Variants in MAD1L1 observed in about 807,000 individuals in gnomAD.
MAD1L1 encodes mitotic arrest deficient 1 like 1, also known as mitotic spindle assembly checkpoint protein MAD1.
MAD1L1 carries 95 observed loss-of-function variants against 96.9 expected under a neutral mutation model. The ratio of observed to expected loss-of-function variants is 0.98; its 90% CI spans 0.83 to 1.16. The LOEUF (loss-of-function observed/expected upper bound fraction) is 1.16, where lower values mean the gene tolerates loss of function less well. Among genes scored for constraint, MAD1L1 ranks in the 50% most tolerant of loss-of-function variants. The pLI is 0.00. For synonymous variants in MAD1L1, 473 were observed against 396.6 expected, an observed-to-expected ratio of 1.19 and a Z score of -2.29; for missense variants, 1,007 against 954.4, an observed-to-expected ratio of 1.06 and a Z score of -0.73.
At chr7:1,910,145 C>T (rs1372776953) in intron 17 of MAD1L1, among the ~76,000 whole-genome samples, 1 of 152,138 alleles carries the variant, frequency 6.6e-6, no homozygotes, top group East Asian at 1.9e-4. Flanking sequence ...TCCCCCAGCA[C>T]CGAGAACACA....
intron 4 of MAD1L1, chr7:2,223,634 C>T (rs561794304): frequency 3.9e-5 from 6 of 152,472 alleles, no homozygotes; most frequent in South Asian, 4.1e-4. Flanking sequence ...GGCTGACCCG[C>T]GCACCTCGGA....
At chr7:1,905,711 G>A (rs1420998523) in intron 17 of MAD1L1, among the ~76,000 whole-genome samples, 1 of 152,232 alleles carries the variant, frequency 6.6e-6, no homozygotes, top group Non-Finnish European at 1.5e-5. Flanking sequence ...CCTCTCCCGT[G>A]AGTGAGGCCG....
At chr7:1,817,121 G>A (rs1213701390) in intron 18 of MAD1L1, 1 of 152,244 alleles carries the variant, frequency 6.6e-6, no homozygotes, top group Non-Finnish European at 1.5e-5. Context: ...GGGCACCGGG[G>A]AAACGTGAAC....
intron 11 of MAD1L1, among the ~76,000 whole-genome samples, chr7:2,092,729 C>T (rs967130525): frequency 3.3e-5 from 5 of 152,098 alleles, no homozygotes; most frequent in African/African-American, 1.2e-4. Flanking sequence ...ATATTTTCTC[C>T]CATTCTGTGG....
chr7:2,066,759 C>G (rs564147247), intron 12 of MAD1L1, among the ~76,000 whole-genome samples: 1 of 152,222 alleles, frequency 6.6e-6, no homozygotes, highest in Admixed American at 6.5e-5. Context: ...CTGCATGTAA[C>G]TCCTCATCAC....
intron 16 of MAD1L1, among the ~76,000 whole-genome samples, chr7:1,957,118 T>C (rs1779760224): frequency 6.6e-6 from 1 of 152,162 alleles, no homozygotes; most frequent in African/African-American, 2.4e-5. Flanking sequence ...CCAGCGCGGC[T>C]CGGAGCCGCC....
chr7:1,827,955 G>A (rs1324931244), intron 18 of MAD1L1, among the ~76,000 whole-genome samples: 7 of 152,176 alleles, frequency 4.6e-5, no homozygotes, highest in Non-Finnish European at 1.0e-4. Flanking sequence ...TTCGTGGAGC[G>A]CCACGCTTAG....
At chr7:2,141,985 G>A (rs1196683566) in intron 11 of MAD1L1, among the ~76,000 whole-genome samples, 2 of 152,242 alleles carry the variant, frequency 1.3e-5, no homozygotes, top group Admixed American at 6.5e-5. Context: ...CAGGTGGACC[G>A]CACAGCCGTG....
intron 15 of MAD1L1, 71 bp from the exon 16 acceptor site, chr7:1,957,790 G>A: frequency 2.1e-6 from 3 of 1,422,644 alleles, no homozygotes; most frequent in South Asian, 2.3e-5. Context: ...CCCTCTGGGT[G>A]ATAAGGAGGT....
chr7:1,878,426 G>A (rs1251820421), intron 18 of MAD1L1, among the ~76,000 whole-genome samples: 3 of 152,088 alleles, frequency 2.0e-5, no homozygotes, highest in Middle Eastern at 6.8e-3. Flanking sequence ...TAAAAATTAG[G>A]AAATTGAATC....
intron 11 of MAD1L1, among the ~76,000 whole-genome samples, chr7:2,082,511 C>A (rs1430330938): frequency 1.3e-5 from 2 of 152,164 alleles, no homozygotes; most frequent in Non-Finnish European, 2.9e-5. Context: ...AGCCGTGAGG[C>A]ATGGAGCTGG....
At chr7:1,934,121 G>A (rs1789639976) in intron 17 of MAD1L1, among the ~76,000 whole-genome samples, 3 of 152,330 alleles carry the variant, frequency 2.0e-5, no homozygotes, top group Middle Eastern at 3.4e-3. Context: ...CAGCCACTGG[G>A]GCCTGGACGC....
intron 12 of MAD1L1, among the ~76,000 whole-genome samples, chr7:2,017,697 A>G (rs1782605261): frequency 6.6e-6 from 1 of 152,198 alleles, no homozygotes; most frequent in South Asian, 2.1e-4. Flanking sequence ...AATGACGCTC[A>G]TTCCCTCATC....
chr7:1,873,773 G>A (rs1785233654), intron 18 of MAD1L1, among the ~76,000 whole-genome samples: 1 of 152,018 alleles, frequency 6.6e-6, no homozygotes, highest in Admixed American at 6.5e-5. Flanking sequence ...GCCCAAGCTG[G>A]CCCTGAAGCC....
chr7:1,882,667 C>G (rs896360657), intron 18 of MAD1L1, among the ~76,000 whole-genome samples: 1 of 152,216 alleles, frequency 6.6e-6, no homozygotes. Context: ...CACACCTGCA[C>G]AGGGAGCAAG....
intron 11 of MAD1L1, among the ~76,000 whole-genome samples, chr7:2,115,250 A>G (rs1185079253): frequency 1.8e-4 from 25 of 136,158 alleles, no homozygotes; most frequent in East Asian, 4.5e-4. Context: ...CAGGGTCCCC[A>G]CGTGTTCCAG....
chr7:2,196,249 C>G (rs1195960628), intron 10 of MAD1L1, among the ~76,000 whole-genome samples: 1 of 152,194 alleles, frequency 6.6e-6, no homozygotes. Context: ...CTCTCCAGAG[C>G]CAACCACCAC....
chr7:2,166,295 G>A (rs1240038962), intron 10 of MAD1L1, among the ~76,000 whole-genome samples: 1 of 152,200 alleles, frequency 6.6e-6, no homozygotes, highest in African/African-American at 2.4e-5. Context: ...AGGGTCCCCA[G>A]ACACATGTAA....
At chr7:2,195,920 C>A (rs544070519) in intron 10 of MAD1L1, among the ~76,000 whole-genome samples, 1 of 152,402 alleles carries the variant, frequency 6.6e-6, no homozygotes, top group Admixed American at 6.5e-5. Flanking sequence ...CATGCCCGCA[C>A]ATGTGCTGAG....
Sources: allele counts gnomAD v4.1 joint callset (sites outside exome capture counted in the v4.1 genomes callset), GRCh38; gene constraint gnomAD v4.1.1; transcripts MANE v1.5; gene names NCBI Gene and HGNC (gene_info 2026-07-23, HGNC 2026-07-21).